Variants in ROBO1 observed in about 807,000 individuals in gnomAD.
ROBO1 encodes the protein roundabout guidance receptor 1.
In ROBO1, 149 loss-of-function variants were observed where a neutral mutation model predicts 195.9. The ratio of observed to expected loss-of-function variants is 0.76; its 90% CI spans 0.67 to 0.87. The LOEUF (loss-of-function observed/expected upper bound fraction) is 0.87, where lower values mean the gene tolerates loss of function less well. Ranked by LOEUF, ROBO1 falls within the 40% of genes least tolerant of loss-of-function variation. The probability of loss-of-function intolerance (pLI) is 0.00; values close to 1 mark genes in which losing one functional copy is unlikely to be tolerated. For synonymous variants in ROBO1, 816 were observed against 733.2 expected (o/e 1.11, Z -1.82); for missense variants, 1,933 against 2,068.3 (o/e 0.93, Z 1.27).
chr3:78,727,259 A>T (rs1033353338), intron 5 of ROBO1, among the ~76,000 whole-genome samples: 1 of 152,012 alleles, frequency 6.6e-6, no homozygotes, highest in African/African-American at 2.4e-5. Context: ...TATAAAAGAA[A>T]ATACAGTATT....
chr3:78,965,032 G>A (rs764203765), intron 3 of ROBO1, among the ~76,000 whole-genome samples: 11 of 151,622 alleles, frequency 7.3e-5, no homozygotes, highest in Non-Finnish European at 1.3e-4. Flanking sequence ...CATTATATAT[G>A]ACTTCAAACT....
chr3:79,612,615 A>C (rs1944695854), intron 1 of ROBO1, among the ~76,000 whole-genome samples: 2 of 148,112 alleles, frequency 1.4e-5, no homozygotes, highest in African/African-American at 4.9e-5. Context: ...ACTGACTTCC[A>C]CAATGGTTGA....
intron 4 of ROBO1, among the ~76,000 whole-genome samples, chr3:78,854,208 T>C (rs111729668): frequency 0.045 from 6,846 of 150,628 alleles, 300 homozygotes; most frequent in African/African-American, 0.12. Context: ...CACACAATTA[T>C]GTGAGCCATT....
At chr3:79,306,371 C>G (rs2109077718) in intron 2 of ROBO1, among the ~76,000 whole-genome samples, 1 of 148,092 alleles carries the variant, frequency 6.8e-6, no homozygotes, top group East Asian at 2.0e-4. Flanking sequence ...CTCTTTCCTT[C>G]TCAAGATATC....
At chr3:78,675,353 G>A (rs572043765) in intron 10 of ROBO1, among the ~76,000 whole-genome samples, 29 of 152,258 alleles carry the variant, frequency 1.9e-4, no homozygotes, top group African/African-American at 6.7e-4. Context: ...GCGAGCCGAA[G>A]CAGGGCGAGG....
intron 2 of ROBO1, among the ~76,000 whole-genome samples, chr3:79,524,836 T>C (rs908246216): frequency 6.6e-6 from 1 of 152,056 alleles, no homozygotes; most frequent in African/African-American, 2.4e-5. Context: ...GTTCCTCCAA[T>C]GACAACAAGT....
chr3:79,501,854 T>C (rs1940089874), intron 2 of ROBO1, among the ~76,000 whole-genome samples: 1 of 152,224 alleles, frequency 6.6e-6, no homozygotes, highest in Admixed American at 6.5e-5. Context: ...TAACGGCCAG[T>C]ATCAGTTTTG....
chr3:78,904,750 ATATG>A (rs2037801313), intron 4 of ROBO1, among the ~76,000 whole-genome samples: 1 of 150,678 alleles, frequency 6.6e-6, no homozygotes, highest in Non-Finnish European at 1.5e-5. Context: ...GTATATGTAT[ATATG>A]TGTGTATATA....
At chr3:78,859,199 G>A (rs2034639350) in intron 4 of ROBO1, among the ~76,000 whole-genome samples, 1 of 152,190 alleles carries the variant, frequency 6.6e-6, no homozygotes, top group South Asian at 2.1e-4. Context: ...GTGTTTAGAA[G>A]TAAAGTTCTG....
intron 8 of ROBO1, among the ~76,000 whole-genome samples, chr3:78,691,569 A>T (rs867658394): frequency 1.3e-5 from 2 of 152,186 alleles, no homozygotes; most frequent in Non-Finnish European, 2.9e-5. Flanking sequence ...TAATGTCAAC[A>T]TCCTTCTGAC....
intron 2 of ROBO1, among the ~76,000 whole-genome samples, chr3:79,458,695 T>C (rs909658308): frequency 5.3e-5 from 8 of 151,844 alleles, no homozygotes; most frequent in Non-Finnish European, 1.0e-4. Context: ...CGAAACACTA[T>C]GATTTTCCAT....
intron 2 of ROBO1, among the ~76,000 whole-genome samples, chr3:79,274,658 G>T (rs2030870486): frequency 6.6e-6 from 1 of 151,662 alleles, no homozygotes; most frequent in Non-Finnish European, 1.5e-5. Context: ...AGAAATACAT[G>T]CAATTAAAAG....
At chr3:78,872,262 G>T (rs1298557410) in intron 4 of ROBO1, among the ~76,000 whole-genome samples, 3 of 152,152 alleles carry the variant, frequency 2.0e-5, no homozygotes, top group Non-Finnish European at 4.4e-5. Context: ...CCTGACTGAT[G>T]TTACAGTAAG....
intron 4 of ROBO1, among the ~76,000 whole-genome samples, chr3:78,915,167 G>A (rs2107558957): frequency 6.6e-6 from 1 of 152,132 alleles, no homozygotes; most frequent in Non-Finnish European, 1.5e-5. Context: ...TGGGATCCTG[G>A]AAACACAATG....
At chr3:79,562,793 T>G (rs1390637000) in intron 2 of ROBO1, among the ~76,000 whole-genome samples, 2 of 151,998 alleles carry the variant, frequency 1.3e-5, no homozygotes, top group Admixed American at 1.3e-4. Flanking sequence ...GTTTTTATAC[T>G]AAAATAAAGT....
intron 2 of ROBO1, among the ~76,000 whole-genome samples, chr3:79,265,580 T>C (rs2083024925): frequency 6.6e-6 from 1 of 151,520 alleles, no homozygotes; most frequent in Non-Finnish European, 1.5e-5. Flanking sequence ...TAATGAGGGA[T>C]TATAAATGAT....
intron 1 of ROBO1, among the ~76,000 whole-genome samples, chr3:79,624,433 A>T (rs1404040345): frequency 6.6e-6 from 1 of 152,094 alleles, no homozygotes; most frequent in East Asian, 1.9e-4. Flanking sequence ...ACCCATCGGT[A>T]TGCTGTATTC....
intron 2 of ROBO1, among the ~76,000 whole-genome samples, chr3:79,477,183 C>T (rs565288911): frequency 2.0e-5 from 3 of 152,202 alleles, no homozygotes; most frequent in Admixed American, 1.3e-4. Flanking sequence ...AAATGCTATA[C>T]TTCAAGCAAG....
At chr3:78,686,322 C>T (rs891406295) in intron 9 of ROBO1, among the ~76,000 whole-genome samples, 1 of 151,884 alleles carries the variant, frequency 6.6e-6, no homozygotes, top group East Asian at 1.9e-4. Flanking sequence ...TTTGGGAGGC[C>T]GAGGCAGGCG....
Sources: allele counts gnomAD v4.1 joint callset (sites outside exome capture counted in the v4.1 genomes callset), GRCh38; gene constraint gnomAD v4.1.1; transcripts MANE v1.5; gene names NCBI Gene and HGNC (gene_info 2026-07-23, HGNC 2026-07-21).